CAPZA1: variants seen among roughly 807,000 people sequenced by gnomAD.
CAPZA1 encodes capping actin protein of muscle Z-line subunit alpha 1.
A neutral mutation model predicts 40.8 loss-of-function variants in CAPZA1; 10 were observed. The observed-to-expected ratio is 0.25, with a 90% CI of 0.15 to 0.42. CAPZA1 has a LOEUF of 0.42. CAPZA1 is among the 10% of genes least tolerant of loss of function. CAPZA1 has a pLI of 1.00. For missense variants in CAPZA1, 277 were observed against 353.8 expected, an observed-to-expected ratio of 0.78 and a Z score of 1.74; for synonymous variants, 98 against 115.0, an observed-to-expected ratio of 0.85 and a Z score of 0.95.
chr1:112,622,028 T>C (rs1438838074), intron 1 of CAPZA1, among the ~76,000 whole-genome samples: 1 of 152,172 alleles, frequency 6.6e-6, no homozygotes, highest in Admixed American at 6.5e-5. Context: ...CCCAAAGTGC[T>C]GGGATTACAG....
intron 1 of CAPZA1, among the ~76,000 whole-genome samples, chr1:112,635,605 T>G (rs556556359): frequency 2.6e-5 from 4 of 152,052 alleles, no homozygotes; most frequent in Admixed American, 1.3e-4. Context: ...CCCAGCTAAT[T>G]TTTGCATTTT....
In CAPZA1 at chr1:112,670,917, T is replaced by C. The variant is rs1433118760; in HGVS notation, c.*785T>C. The C allele has an allele frequency of 6.5e-6, 1 of 152,678 alleles. No homozygotes were observed. Among genetic ancestry groups the C allele is most frequent in the Non-Finnish European group, 1.5e-5 (1 of 68,046 alleles). The allele number at this position is 152,678 out of a possible 1,614,324, so 9.5% of individuals were successfully genotyped here. On this transcript the variant is annotated 3_prime_UTR_variant, in exon 10 of 10. Transcript: ENST00000263168. ...AAACATTCAAGAACTGCTGACGTAC[T>C]GTGGATGTAGAGTATAAAACTTGAA...
chr1:112,664,653 T>C (rs921622495), intron 7 of CAPZA1, among the ~76,000 whole-genome samples: 5 of 152,088 alleles, frequency 3.3e-5, no homozygotes, highest in African/African-American at 1.2e-4. Flanking sequence ...TTAAATGTGG[T>C]GGCCTAGCGC....
intron 7 of CAPZA1, among the ~76,000 whole-genome samples, chr1:112,666,196 C>T (rs1476280294): frequency 6.6e-6 from 1 of 152,218 alleles, no homozygotes; most frequent in Non-Finnish European, 1.5e-5. Flanking sequence ...TCCTTTTTTA[C>T]ACATATTCAT....
chr1:112,651,328 T>A (rs941642391), intron 3 of CAPZA1, among the ~76,000 whole-genome samples: 1 of 152,192 alleles, frequency 6.6e-6, no homozygotes, highest in Non-Finnish European at 1.5e-5. Context: ...AGACTTATAT[T>A]TTAGAATAAT....
intron 5 of CAPZA1, among the ~76,000 whole-genome samples, chr1:112,658,157 T>C (rs1671535171): frequency 6.6e-6 from 1 of 152,208 alleles, no homozygotes; most frequent in Admixed American, 6.5e-5. Context: ...TAAGAACATA[T>C]TTTGTGGACT....
At chr1:112,636,261 G>C (rs1671017110) in intron 1 of CAPZA1, among the ~76,000 whole-genome samples, 1 of 152,266 alleles carries the variant, frequency 6.6e-6, no homozygotes, top group Non-Finnish European at 1.5e-5. Context: ...TTTCAGTACA[G>C]ATACTAGTAA....
At chr1:112,658,306 A>G (rs1045693505) in intron 5 of CAPZA1, among the ~76,000 whole-genome samples, 1 of 152,062 alleles carries the variant, frequency 6.6e-6, no homozygotes, top group Non-Finnish European at 1.5e-5. Context: ...TAATGACACC[A>G]CCATCTTTTT....
intron 3 of CAPZA1, among the ~76,000 whole-genome samples, chr1:112,653,215 C>A (rs1671431904): frequency 6.6e-6 from 1 of 152,112 alleles, no homozygotes. Context: ...ACCTGTAGTC[C>A]CAGCTACTCA....
At position 112,670,093 on chromosome 1, in the gene CAPZA1, A is replaced by G; in HGVS notation, c.822A>G (p.Ile274Met). 1 of 1,613,978 alleles carries G rather than the reference A, an allele frequency of 6.2e-7. No individual in the cohort carries two copies. Among genetic ancestry groups the G allele is most frequent in the East Asian group, 2.2e-5 (1 of 44,892 alleles). Residue 274 changes from isoleucine (I) to methionine (M), a missense_variant, in exon 10 of 10, where the codon ATA becomes ATG. Ile to Met is a conservative substitution (Grantham distance 10, BLOSUM62 1). Transcript: ENST00000263168. Reference protein sequence around the residue: ...VTRTKIDWNKILSYKIGKEMQ... With the variant: ...VTRTKIDWNKMLSYKIGKEMQ... ...GCACCAAAATCGACTGGAACAAGATACTCAGCTACAAGATTGGCAAAGAAA... is the reference window on the plus strand; with the variant it reads ...GCACCAAAATCGACTGGAACAAGATGCTCAGCTACAAGATTGGCAAAGAAA...
At chr1:112,650,228 G>A (rs755194783) in intron 3 of CAPZA1, among the ~76,000 whole-genome samples, 2 of 152,194 alleles carry the variant, frequency 1.3e-5, no homozygotes, top group Non-Finnish European at 2.9e-5. Context: ...TTATCATAAA[G>A]TCATTGGGTA....
chr1:112,642,202 C>CTTTTT lies in CAPZA1; in HGVS notation c.40-4984_40-4980dup, dbSNP rs770352173. On this transcript the variant is annotated intron_variant, in intron 1 of 9. Coordinates refer to ENST00000263168, the MANE Select transcript of CAPZA1 (RefSeq NM_006135.3). The stretch of plus-strand genomic sequence containing the variant: ...ACAGCCTCTGAAGACTACCCCGCAC[C>CTTTTT]TTTTTTTTTTTTTTTTTTTTTTTTT... 4.9e-4 allele frequency among the ~76,000 whole-genome samples: 29 copies of CTTTTT among 59,078 alleles called. 1 individual carries two copies. The highest frequency in any genetic ancestry group is 7.0e-4 in the Non-Finnish European group (24 of 34,312). 38.8% of individuals were successfully genotyped at this position (59,078 alleles called of 152,430 possible).
rs1004002702 is a variant in CAPZA1, at chr1:112,640,562, C to G, written c.40-6648C>G. Among the ~76,000 whole-genome samples the G allele has an allele frequency of 2.0e-5, 3 of 146,520 alleles. 1 individual carries two copies. In the Admixed American group the frequency reaches 2.1e-4, roughly 10 times the overall value. On this transcript the variant is annotated intron_variant, in intron 1 of 9. Transcript: ENST00000263168. ...CGCCCCTCCTGGGAAGTGAGGAGCC[C>G]CCTGCCCGGCCAGCCGCCCCATCCG...
At chr1:112,644,094 C>G (rs1017193551) in intron 1 of CAPZA1, among the ~76,000 whole-genome samples, 1 of 151,798 alleles carries the variant, frequency 6.6e-6, no homozygotes, top group African/African-American at 2.4e-5. Flanking sequence ...ATCCACCTGC[C>G]TCAGCCTCCC....
chr1:112,659,376 T>C (rs1570723383), intron 6 of CAPZA1: 1 of 531,938 alleles, frequency 1.9e-6, no homozygotes, highest in Admixed American at 3.3e-5. Flanking sequence ...CTTGAGTTAA[T>C]TGTGTAACTC....
intron 1 of CAPZA1, among the ~76,000 whole-genome samples, chr1:112,621,035 A>G (rs970861736): frequency 9.8e-5 from 15 of 152,318 alleles, no homozygotes; most frequent in East Asian, 1.9e-4. Flanking sequence ...GTTATGATCC[A>G]TAAGTCCTCT....
At chr1:112,666,150 T>C (rs1205931422) in intron 7 of CAPZA1, among the ~76,000 whole-genome samples, 2 of 152,222 alleles carry the variant, frequency 1.3e-5, no homozygotes, top group Non-Finnish European at 2.9e-5. Context: ...CTTCACAGTC[T>C]GTGTTTCCAC....
chr1:112,626,211 CA>C (rs1280628724), intron 1 of CAPZA1: 2 of 152,148 alleles, frequency 1.3e-5, no homozygotes, highest in Non-Finnish European at 2.9e-5. Flanking sequence ...CAAGCCTAAC[CA>C]AGGTGGCTGC....
intron 8 of CAPZA1, 72 bp downstream of exon 8, chr1:112,667,217 A>C (rs1285925958): frequency 1.1e-5 from 12 of 1,098,194 alleles, no homozygotes; most frequent in Middle Eastern, 3.0e-4. Context: ...TTTGATCCTG[A>C]GTGCTGATTC....
Sources: allele counts gnomAD v4.1 joint callset (sites outside exome capture counted in the v4.1 genomes callset), GRCh38; gene constraint gnomAD v4.1.1; transcripts MANE v1.5; gene names NCBI Gene and HGNC (gene_info 2026-07-23, HGNC 2026-07-21).